CEP120: variants seen among roughly 807,000 people sequenced by gnomAD.
CEP120 encodes the protein centrosomal protein 120.
In CEP120, 113 loss-of-function variants were observed where a neutral mutation model predicts 126.5. The ratio of observed to expected loss-of-function variants is 0.89; its 90% confidence interval spans 0.77 to 1.04. The LOEUF (loss-of-function observed/expected upper bound fraction) is 1.04. CEP120 is among the 50% of genes least tolerant of loss of function. The probability of loss-of-function intolerance (pLI) is 0.00; values close to 1 mark genes in which losing one functional copy is unlikely to be tolerated. For synonymous variants in CEP120, 400 were observed against 394.3 expected, an observed-to-expected ratio of 1.01 and a Z score of -0.17; for missense variants, 1,230 against 1,155.7, an observed-to-expected ratio of 1.06 and a Z score of -0.93.
Position 123,423,085 on chromosome 5 carries a change from A to G in CEP120, c.-87T>C, listed in dbSNP as rs376664000. The G allele has an allele frequency of 8.3e-4, 963 of 1,153,940 alleles. 14 individuals are homozygous for G. The South Asian group carries it at 9.0e-3, about 11-fold the overall frequency. 71.5% of individuals were successfully genotyped at this position (1,153,940 alleles called of 1,614,324 possible). A position where few individuals can be genotyped will look rare whatever the true frequency, so the allele number is the denominator to read the frequency against. ...CGGGTAATCCGGGACCCCCGGCGGG[A>G]CCCCCACTGCCCGCCCCCGGTCCCT... On this transcript the variant is annotated 5_prime_UTR_variant, in exon 1 of 20. Coordinates refer to ENST00000306467, the MANE Select transcript of CEP120 (RefSeq NM_001375405.1).
At position 123,423,061 on chromosome 5, in the gene CEP120, G is replaced by C. The variant is rs1261141770; in HGVS notation, c.-63C>G. ...GGGAAGTGAGGTCCAGTTGAGTCGC[G>C]GGTAATCCGGGACCCCCGGCGGGAC... On this transcript the variant is annotated 5_prime_UTR_variant, in exon 1 of 20. Transcript: ENST00000306467. The C allele has an allele frequency of 2.1e-6, 3 of 1,408,770 alleles. No individual in the cohort carries two copies. The highest frequency in any genetic ancestry group is 1.1e-5 in the South Asian group (1 of 87,134). 87.3% of individuals were successfully genotyped at this position (1,408,770 alleles called of 1,614,324 possible). A position where few individuals can be genotyped will look rare whatever the true frequency, so the allele number is the denominator to read the frequency against.
At chr5:123,401,470 ACT>A (rs1467640921) in intron 4 of CEP120, 3 of 1,275,886 alleles carry the variant, frequency 2.4e-6, no homozygotes, top group Admixed American at 1.7e-5. Context: ...TCCCAGCCAG[ACT>A]CTGCAGCTCC....
At position 123,416,650 on chromosome 5, in the gene CEP120, T is replaced by C. The variant is rs1051552253; in HGVS notation, c.207-526A>G. ...TATATCTACTAACCTCTACACCAAC[T>C]AAATATTATACAAAACATGTCAACA... On this transcript the variant is annotated intron_variant, in intron 2 of 19. Transcript: ENST00000306467. 1.8e-4 allele frequency among the ~76,000 whole-genome samples: 27 copies of C among 152,214 alleles called. 1 individual carries two copies. The highest frequency in any genetic ancestry group is 6.5e-4 in the African/African-American group (27 of 41,570).
chr5:123,410,582 A>G (rs994480235), intron 4 of CEP120, among the ~76,000 whole-genome samples: 6 of 152,244 alleles, frequency 3.9e-5, no homozygotes, highest in Non-Finnish European at 7.3e-5. Context: ...AATGCAATGG[A>G]GCAAAGAAAG....
At chr5:123,365,740 G>T (rs190228969) in intron 17 of CEP120, among the ~76,000 whole-genome samples, 16 of 151,468 alleles carry the variant, frequency 1.1e-4, no homozygotes, top group Admixed American at 8.6e-4. Flanking sequence ...CTACTACTTG[G>T]TAATTTAACA....
At position 123,386,536 on chromosome 5, in the gene CEP120, A is replaced by G; in HGVS notation, c.1562T>C (p.Leu521Pro). Residue 521 changes from leucine to proline, a missense_variant, in exon 10 of 20, where the codon CTG (leucine) becomes CCG (proline). Transcript: ENST00000306467. The part of the protein sequence containing the change: ...AFDFATMPHQ[L>P]QDTFLRIPLL... ...GCATTACCTTAAGAAGGTGTCTTGC[A>G]GCTGATGAGGCATAGTTGCAAAATC... The G allele has an allele frequency of 1.3e-6, 2 of 1,573,136 alleles. No individual in the cohort carries two copies. The highest frequency in any genetic ancestry group is 1.7e-6 in the Non-Finnish European group (2 of 1,163,790).
intron 4 of CEP120, among the ~76,000 whole-genome samples, chr5:123,407,991 T>C (rs1426493821): frequency 1.3e-5 from 2 of 152,224 alleles, no homozygotes; most frequent in South Asian, 4.1e-4. Flanking sequence ...ATTTAAAATA[T>C]CTTGAACTAA....
intron 17 of CEP120, 138 bp downstream of exon 17, chr5:123,372,512 G>T: frequency 1.2e-6 from 1 of 836,840 alleles, no homozygotes; most frequent in Non-Finnish European, 1.9e-6. Context: ...AATGTCACGT[G>T]CCTTTAATTC....
rs374541198 is a variant in CEP120, at chr5:123,388,428, A to G, written c.1430+4T>C. 2.8e-5 allele frequency: 41 copies of G among 1,487,052 alleles called. 1 individual carries two copies. The highest frequency in any genetic ancestry group is 3.6e-5 in the Non-Finnish European group (40 of 1,115,344). The allele number at this position is 1,487,052 out of a possible 1,614,324, so 92.1% of individuals were successfully genotyped here. ...TAATACTTTGAAACAAAATCAAATC[A>G]CACCTTAATATACAGTTGATTGGAA... On this transcript the variant is annotated splice_donor_region_variant and intron_variant, in intron 9 of 19. Coordinates refer to ENST00000306467, the MANE Select transcript of CEP120 (RefSeq NM_001375405.1).
At chr5:123,422,376 A>T in intron 1 of CEP120, 2 of 828,466 alleles carry the variant, frequency 2.4e-6, no homozygotes, top group Non-Finnish European at 3.8e-6. Context: ...TTAGCTTTTT[A>T]GAATCAGGAC....
In CEP120 at chr5:123,395,290, G is replaced by A. The variant is rs78307452; in HGVS notation, c.613-1793C>T. Among the ~76,000 whole-genome samples the A allele has an allele frequency of 7.6e-4, 116 of 152,110 alleles. 2 individuals carry two copies. In the East Asian group the frequency reaches 0.02, roughly 26 times the overall value. Reference sequence around the variant, plus strand: ...GAAGGAAGCAAGATTGTCACTAGCCGGCCTTCCTGCTCCAAACTCAATCCT... The same window carrying A: ...GAAGGAAGCAAGATTGTCACTAGCCAGCCTTCCTGCTCCAAACTCAATCCT... On this transcript the variant is annotated intron_variant, in intron 5 of 19. Coordinates refer to ENST00000306467, the MANE Select transcript of CEP120 (RefSeq NM_001375405.1).
In CEP120 at chr5:123,373,434, G is replaced by C. The variant is rs368147287; in HGVS notation, c.2359-662C>G. ...AAAAGAATGGAAATTTCTTGAATTTGAAGAGTTGAGGACGAACAATCAGGA... is the reference window on the plus strand; with the variant it reads ...AAAAGAATGGAAATTTCTTGAATTTCAAGAGTTGAGGACGAACAATCAGGA... On this transcript the variant is annotated intron_variant, in intron 16 of 19. Coordinates refer to ENST00000306467, the MANE Select transcript of CEP120 (RefSeq NM_001375405.1). Among the ~76,000 whole-genome samples, 61 of 152,182 alleles carry C rather than the reference G, an allele frequency of 4.0e-4. No homozygotes were observed. The East Asian group carries it at 9.1e-3, about 23-fold the overall frequency.
intron 1 of CEP120, chr5:123,422,624 A>C (rs1234476233): frequency 1.5e-6 from 2 of 1,298,570 alleles, no homozygotes; most frequent in African/African-American, 1.5e-5. Flanking sequence ...GGAACCGCTG[A>C]TCAGAACGCG....
At chr5:123,401,590 G>A in intron 4 of CEP120, 1 of 1,411,690 alleles carries the variant, frequency 7.1e-7, no homozygotes. Context: ...CCAGGGAGCG[G>A]CTGTTGTCCA....
intron 17 of CEP120, among the ~76,000 whole-genome samples, chr5:123,370,302 G>C (rs530472178): frequency 6.6e-6 from 1 of 152,024 alleles, no homozygotes; most frequent in South Asian, 2.1e-4. Flanking sequence ...TTAAGGATTT[G>C]AGTGCTGGAT....
Position 123,372,302 on chromosome 5 carries a change from G to A in CEP120, c.2481+348C>T, listed in dbSNP as rs561905341. Among the ~76,000 whole-genome samples the A allele has an allele frequency of 1.1e-3, 165 of 152,172 alleles. 2 individuals are homozygous for A. Among genetic ancestry groups the A allele is most frequent in the Non-Finnish European group, 2.9e-4 (20 of 67,962 alleles). On this transcript the variant is annotated intron_variant, in intron 17 of 19. Transcript: ENST00000306467. The stretch of plus-strand genomic sequence containing the variant: ...AGTGACAGCACCAAAAGGAGCAACC[G>A]AAGTAGACTGTTTTCTGACAGGATC...
At chr5:123,422,446 T>C (rs1774779068) in intron 1 of CEP120, 1 of 1,427,530 alleles carries the variant, frequency 7.0e-7, no homozygotes, top group Non-Finnish European at 9.5e-7. Flanking sequence ...AATAAACCAA[T>C]GTCATTCATC....
intron 17 of CEP120, among the ~76,000 whole-genome samples, chr5:123,365,131 A>G (rs1466761047): frequency 6.6e-6 from 1 of 151,782 alleles, no homozygotes; most frequent in East Asian, 1.9e-4. Flanking sequence ...AAGAGTACAA[A>G]GTCAAAAATA....
intron 4 of CEP120, chr5:123,403,755 T>A (rs997251135): frequency 4.8e-6 from 2 of 419,176 alleles, no homozygotes; most frequent in Admixed American, 2.9e-5. Flanking sequence ...CAAAGATGCA[T>A]AAGCTAAATC....
Sources: allele counts gnomAD v4.1 joint callset (sites outside exome capture counted in the v4.1 genomes callset), GRCh38; gene constraint gnomAD v4.1.1; transcripts MANE v1.5; gene names NCBI Gene and HGNC (gene_info 2026-07-23, HGNC 2026-07-21).